Variants in ATOH7 observed in about 807,000 individuals in gnomAD.
ATOH7 encodes transcription factor ATOH7.
Under a neutral mutation model 11.0 loss-of-function variants are expected in ATOH7, and 11 were observed. The observed-to-expected ratio is 1.00, with a 90% CI of 0.63 to 1.66. The LOEUF (loss-of-function observed/expected upper bound fraction) is 1.66. Among genes scored for constraint, ATOH7 ranks in the 40% most tolerant of loss-of-function variants. ATOH7 has a pLI of 0.00. For missense variants in ATOH7, 232 were observed against 219.2 expected, an observed-to-expected ratio of 1.06 and a Z score of -0.37; for synonymous variants, 98 against 98.3, an observed-to-expected ratio of 1.00 and a Z score of 0.02.
chr10:68,230,918 T>C lies in ATOH7; in HGVS notation c.*301A>G, dbSNP rs911163893. On this transcript the variant is annotated 3_prime_UTR_variant, in exon 1 of 1. Coordinates refer to ENST00000373673, the MANE Select transcript of ATOH7 (RefSeq NM_145178.4). ...AGCTTAATCCTATTTTTCTTAAGATTGTTTTCCCTCAAAGTAGCCCAGAAA... is the reference window on the plus strand; with the variant it reads ...AGCTTAATCCTATTTTTCTTAAGATCGTTTTCCCTCAAAGTAGCCCAGAAA... 2.9e-6 allele frequency: 1 copy of C among 344,554 alleles called. No individual in the cohort carries two copies. The allele number at this position is 344,554 out of a possible 1,614,324, so 21.3% of individuals were successfully genotyped here. A position where few individuals can be genotyped will look rare whatever the true frequency, so the allele number is the denominator to read the frequency against.
chr10:68,230,791 G>A lies in ATOH7; in HGVS notation c.*428C>T, dbSNP rs1447327685. The A allele has an allele frequency of 6.2e-6, 1 of 162,134 alleles. No homozygotes were observed. The highest frequency in any genetic ancestry group is 2.4e-5 in the African/African-American group (1 of 41,890). 10.0% of individuals were successfully genotyped at this position (162,134 alleles called of 1,614,324 possible). Reference sequence around the variant, plus strand: ...ATTTACACAACAGGAAGGTAGCTCTGTTGTGAGCAAACACAAGTAATGGAT... The same window carrying A: ...ATTTACACAACAGGAAGGTAGCTCTATTGTGAGCAAACACAAGTAATGGAT... On this transcript the variant is annotated 3_prime_UTR_variant, in exon 1 of 1. Transcript: ENST00000373673.
Position 68,230,914 on chromosome 10 carries a change from AGATT to A in ATOH7, c.*301_*304del, listed in dbSNP as rs1195453904. The A allele has an allele frequency of 6.0e-6, 2 of 335,372 alleles. No homozygotes were observed. Among genetic ancestry groups the A allele is most frequent in the African/African-American group, 4.2e-5 (2 of 47,118 alleles). 20.8% of individuals were successfully genotyped at this position (335,372 alleles called of 1,614,324 possible). Reference sequence around the variant, plus strand: ...GAATAGCTTAATCCTATTTTTCTTAAGATTGTTTTCCCTCAAAGTAGCCCAGAAA... The same window carrying A: ...GAATAGCTTAATCCTATTTTTCTTAAGTTTTCCCTCAAAGTAGCCCAGAAA... On this transcript the variant is annotated 3_prime_UTR_variant, in exon 1 of 1. Transcript: ENST00000373673.
rs2044024992 is a variant in ATOH7 at position 68,231,295 on chromosome 10, T to C, written c.383A>G (p.Lys128Arg). The C allele has an allele frequency of 6.2e-7, 1 of 1,611,170 alleles. No individual in the cohort carries two copies. The highest frequency in any genetic ancestry group is 8.5e-7 in the Non-Finnish European group (1 of 1,179,164). The part of the protein sequence containing the change: ...RDHYLPFPGA[K>R]LPGESELYSQ... ...GTACAGCTCGCTCTCGCCCGGCAGC[T>C]TCGCGCCCGGGAACGGGAGGTAGTG... The change falls in exon 1 of 1, where the codon AAG becomes AGG. Residue 128 changes from lysine to arginine, a missense_variant. By Grantham distance (26) the Lys-to-Arg change is conservative. Coordinates refer to ENST00000373673, the MANE Select transcript of ATOH7 (RefSeq NM_145178.4).
At position 68,231,029 on chromosome 10, in the gene ATOH7, A is replaced by G; in HGVS notation, c.*190T>C. ...TCTACAAAATACAAAGGAGGAGGGG[A>G]AAAGAAAGGCAATTAAATGATTGCG... is the stretch of plus-strand genomic sequence containing the variant. On this transcript the variant is annotated 3_prime_UTR_variant, in exon 1 of 1. Coordinates refer to ENST00000373673, the MANE Select transcript of ATOH7 (RefSeq NM_145178.4). 2.0e-6 allele frequency: 1 copy of G among 510,186 alleles called. No homozygotes were observed. The highest frequency in any genetic ancestry group is 3.2e-6 in the Non-Finnish European group (1 of 308,392). The allele number at this position is 510,186 out of a possible 1,614,324, so 31.6% of individuals were successfully genotyped here. A position where few individuals can be genotyped will look rare whatever the true frequency, so the allele number is the denominator to read the frequency against.
chr10:68,231,537 C>G lies in ATOH7; in HGVS notation c.141G>C (p.Ala47=), dbSNP rs953857718. The change falls in exon 1 of 1, where the codon GCG becomes GCC. Residue 47 remains alanine, a synonymous_variant. Coordinates refer to ENST00000373673, the MANE Select transcript of ATOH7 (RefSeq NM_145178.4). ...GCCCCTGCATGCGGCGGCGCTCGCG[C>G]GCGTTGGCCGCCAGGCGCCTGCGCG... ...SAARRRLAAN[A]RERRRMQGLN... is the part of the protein sequence containing the mutation. The G allele has an allele frequency of 7.5e-7, 1 of 1,331,714 alleles. No individual in the cohort carries two copies. The highest frequency in any genetic ancestry group is 1.5e-5 in the African/African-American group (1 of 66,486). 82.5% of individuals were successfully genotyped at this position (1,331,714 alleles called of 1,614,324 possible).
Position 68,231,420 on chromosome 10 carries a change from C to T in ATOH7, c.258G>A (p.Leu86=). The T allele has an allele frequency of 6.2e-7, 1 of 1,613,792 alleles. No homozygotes were observed. The highest frequency in any genetic ancestry group is 8.5e-7 in the Non-Finnish European group (1 of 1,179,876). The change falls in exon 1 of 1, where the codon CTG becomes CTA. Residue 86 remains leucine (L), a synonymous_variant. Coordinates refer to ENST00000373673, the MANE Select transcript of ATOH7 (RefSeq NM_145178.4). ...LSKYETLQMA[L]SYIMALTRIL... ...TCCGGGTCAGAGCCATGATGTAGCT[C>T]AGGGCCATCTGCAGGGTCTCGTACT...
chr10:68,231,175 C>G lies in ATOH7; in HGVS notation c.*44G>C, dbSNP rs769635297. ...TGGGCTACTTGGGGCAGGGCCGAGG[C>G]TCGGAGCGGCTGCCGGACACCCACC... On this transcript the variant is annotated 3_prime_UTR_variant, in exon 1 of 1. Coordinates refer to ENST00000373673, the MANE Select transcript of ATOH7 (RefSeq NM_145178.4). The G allele has an allele frequency of 2.8e-6, 4 of 1,448,096 alleles. No individual in the cohort carries two copies. The South Asian group carries it at 5.7e-5, about 20-fold the overall frequency. The allele number at this position is 1,448,096 out of a possible 1,614,324, so 89.7% of individuals were successfully genotyped here.
In ATOH7 at chr10:68,231,589, G is replaced by T; in HGVS notation, c.89C>A (p.Ala30Asp). The change falls in exon 1 of 1, where the codon GCC (alanine) becomes GAC (aspartate). Residue 30 changes from alanine to aspartate, a missense_variant. By Grantham distance (126) the Ala-to-Asp change is moderately radical. Coordinates refer to ENST00000373673, the MANE Select transcript of ATOH7 (RefSeq NM_145178.4). The stretch of plus-strand genomic sequence containing the variant: ...CGCGCTCTCCAGCCGCCCGGCCCCG[G>T]CGCACGTGCCCGCGCACTCGGTGCC... Reference protein sequence around the residue: ...AGGTECAGTCAGAGRLESAAR... With the variant: ...AGGTECAGTCDGAGRLESAAR... The T allele has an allele frequency of 8.4e-7, 1 of 1,189,994 alleles. No individual in the cohort carries two copies. The highest frequency in any genetic ancestry group is 1.0e-6 in the Non-Finnish European group (1 of 957,404). 73.7% of individuals were successfully genotyped at this position (1,189,994 alleles called of 1,614,324 possible).
chr10:68,231,115 T>G lies in ATOH7; in HGVS notation c.*104A>C. 8.6e-7 allele frequency: 1 copy of G among 1,158,760 alleles called. No homozygotes were observed. Among genetic ancestry groups the G allele is most frequent in the South Asian group, 1.8e-5 (1 of 57,058 alleles). 71.8% of individuals were successfully genotyped at this position (1,158,760 alleles called of 1,614,324 possible). On this transcript the variant is annotated 3_prime_UTR_variant, in exon 1 of 1. Transcript: ENST00000373673. Reference sequence around the variant, plus strand: ...AGAATCGACTAATTTTCCTCGAGGATTGCATCCTTAGAATCCTGGGCCGCC... The same window carrying G: ...AGAATCGACTAATTTTCCTCGAGGAGTGCATCCTTAGAATCCTGGGCCGCC...
chr10:68,230,992 C>T lies in ATOH7; in HGVS notation c.*227G>A. The T allele has an allele frequency of 2.2e-6, 1 of 447,870 alleles. No homozygotes were observed. The highest frequency in any genetic ancestry group is 4.3e-5 in the Admixed American group (1 of 23,264). The allele number at this position is 447,870 out of a possible 1,614,324, so 27.7% of individuals were successfully genotyped here. On this transcript the variant is annotated 3_prime_UTR_variant, in exon 1 of 1. Coordinates refer to ENST00000373673, the MANE Select transcript of ATOH7 (RefSeq NM_145178.4). ...ACAGCAATCAACCCATTCACAAGAT[C>T]CATTAATGAAATCTACAAAATACAA...
Position 68,231,508 on chromosome 10 carries a change from T to G in ATOH7, c.170A>C (p.Asn57Thr). The G allele has an allele frequency of 1.4e-6, 2 of 1,436,270 alleles. No individual in the cohort carries two copies. The highest frequency in any genetic ancestry group is 1.9e-6 in the Non-Finnish European group (2 of 1,080,740). 89.0% of individuals were successfully genotyped at this position (1,436,270 alleles called of 1,614,324 possible). A position where few individuals can be genotyped will look rare whatever the true frequency, so the allele number is the denominator to read the frequency against. ...CCTGCGTAAGCGGTCGAAGGCAGTG[T>G]TGAGCCCCTGCATGCGGCGGCGCTC... ...ARERRRMQGL[N>T]TAFDRLRRVV... is the part of the protein sequence containing the mutation. Residue 57 changes from asparagine (N) to threonine (T), a missense_variant, in exon 1 of 1, where the codon AAC becomes ACC. Asn to Thr is a moderately conservative substitution (Grantham distance 65). Transcript: ENST00000373673.
rs763049857 is a variant in ATOH7 at position 68,231,792 on chromosome 10, A to G, written c.-115T>C. On this transcript the variant is annotated 5_prime_UTR_variant, in exon 1 of 1. Coordinates refer to ENST00000373673, the MANE Select transcript of ATOH7 (RefSeq NM_145178.4). The stretch of plus-strand genomic sequence containing the variant: ...TGCCTCTTCTGAGCAAATAAGTCAT[A>G]AACAAAGCAACTCACGTGCAATCAA... 1 of 652,944 alleles carries G rather than the reference A, an allele frequency of 1.5e-6. No homozygotes were observed. Among genetic ancestry groups the G allele is most frequent in the Non-Finnish European group, 2.0e-6 (1 of 500,112 alleles). 40.4% of individuals were successfully genotyped at this position (652,944 alleles called of 1,614,324 possible). A position where few individuals can be genotyped will look rare whatever the true frequency, so the allele number is the denominator to read the frequency against.
At position 68,231,832 on chromosome 10, in the gene ATOH7, G is replaced by C; in HGVS notation, c.-155C>G. 1 of 384,738 alleles carries C rather than the reference G, an allele frequency of 2.6e-6. No individual in the cohort carries two copies. Among genetic ancestry groups the C allele is most frequent in the Non-Finnish European group, 4.0e-6 (1 of 249,290 alleles). 23.8% of individuals were successfully genotyped at this position (384,738 alleles called of 1,614,324 possible). The stretch of plus-strand genomic sequence containing the variant: ...CGTGCAATCAAATAGTTTACAGTGG[G>C]GGAGTGCGGGACTCGGCCTTCTGTT... On this transcript the variant is annotated 5_prime_UTR_variant, in exon 1 of 1. Transcript: ENST00000373673.
chr10:68,231,516 C>T lies in ATOH7; in HGVS notation c.162G>A (p.Gln54=). 1 of 1,383,934 alleles carries T rather than the reference C, an allele frequency of 7.2e-7. No homozygotes were observed. The highest frequency in any genetic ancestry group is 9.5e-7 in the Non-Finnish European group (1 of 1,055,536). The allele number at this position is 1,383,934 out of a possible 1,614,324, so 85.7% of individuals were successfully genotyped here. The change falls in exon 1 of 1, where the codon CAG becomes CAA. Residue 54 remains glutamine, a synonymous_variant. Transcript: ENST00000373673. ...AGCGGTCGAAGGCAGTGTTGAGCCCCTGCATGCGGCGGCGCTCGCGCGCGT... is the reference window on the plus strand; with the variant it reads ...AGCGGTCGAAGGCAGTGTTGAGCCCTTGCATGCGGCGGCGCTCGCGCGCGT... ...AANARERRRM[Q]GLNTAFDRLR...
In ATOH7 at chr10:68,231,312, G is replaced by A. The variant is rs757008955; in HGVS notation, c.366C>T (p.Leu122=). 6.2e-7 allele frequency: 1 copy of A among 1,612,650 alleles called. No individual in the cohort carries two copies. Among genetic ancestry groups the A allele is most frequent in the Admixed American group, 1.7e-5 (1 of 59,914 alleles). Residue 122 remains leucine, a synonymous_variant, in exon 1 of 1, where the codon CTC becomes CTT. Coordinates refer to ENST00000373673, the MANE Select transcript of ATOH7 (RefSeq NM_145178.4). ...HCEHFGRDHY[L]PFPGAKLPGE... ...CCGGCAGCTTCGCGCCCGGGAACGGGAGGTAGTGGTCGCGGCCGAAGTGCT... is the reference window on the plus strand; with the variant it reads ...CCGGCAGCTTCGCGCCCGGGAACGGAAGGTAGTGGTCGCGGCCGAAGTGCT...
At position 68,231,305 on chromosome 10, in the gene ATOH7, G is replaced by A. The variant is rs1282270070; in HGVS notation, c.373C>T (p.Pro125Ser). 1.2e-6 allele frequency: 2 copies of A among 1,612,182 alleles called. No individual in the cohort carries two copies. Among genetic ancestry groups the A allele is most frequent in the Non-Finnish European group, 8.5e-7 (1 of 1,179,434 alleles). The change falls in exon 1 of 1, where the codon CCG (proline) becomes TCG (serine). Residue 125 changes from proline (P) to serine (S), a missense_variant. Coordinates refer to ENST00000373673, the MANE Select transcript of ATOH7 (RefSeq NM_145178.4). ...CTCTCGCCCGGCAGCTTCGCGCCCG[G>A]GAACGGGAGGTAGTGGTCGCGGCCG... ...HFGRDHYLPF[P>S]GAKLPGESEL...
chr10:68,231,389 C>G lies in ATOH7; in HGVS notation c.289G>C (p.Ala97Pro), dbSNP rs2134380333. 2 of 1,613,948 alleles carry G rather than the reference C, an allele frequency of 1.2e-6. No homozygotes were observed. The highest frequency in any genetic ancestry group is 1.7e-6 in the Non-Finnish European group (2 of 1,179,946). Residue 97 changes from alanine (A) to proline (P), a missense_variant, in exon 1 of 1, where the codon GCC becomes CCC. Physicochemically the swap from Ala to Pro is conservative, Grantham distance 27. Transcript: ENST00000373673. ...SYIMALTRILAEAERFGSERD... is the reference protein window; with the variant it reads ...SYIMALTRILPEAERFGSERD... ...TCCGAGCCGAATCGCTCGGCCTCGGCCAGGATCCGGGTCAGAGCCATGATG... is the reference window on the plus strand; with the variant it reads ...TCCGAGCCGAATCGCTCGGCCTCGGGCAGGATCCGGGTCAGAGCCATGATG...
chr10:68,231,810 G>T lies in ATOH7; in HGVS notation c.-133C>A. On this transcript the variant is annotated 5_prime_UTR_variant, in exon 1 of 1. Coordinates refer to ENST00000373673, the MANE Select transcript of ATOH7 (RefSeq NM_145178.4). ...AAGTCATAAACAAAGCAACTCACGTGCAATCAAATAGTTTACAGTGGGGGA... is the reference window on the plus strand; with the variant it reads ...AAGTCATAAACAAAGCAACTCACGTTCAATCAAATAGTTTACAGTGGGGGA... The T allele has an allele frequency of 1.9e-6, 1 of 521,150 alleles. No individual in the cohort carries two copies. Among genetic ancestry groups the T allele is most frequent in the Non-Finnish European group, 2.7e-6 (1 of 376,402 alleles). The allele number at this position is 521,150 out of a possible 1,614,324, so 32.3% of individuals were successfully genotyped here. A position where few individuals can be genotyped will look rare whatever the true frequency, so the allele number is the denominator to read the frequency against.
In ATOH7 at chr10:68,231,402, C is replaced by A; in HGVS notation, c.276G>T (p.Leu92=). Reference sequence around the variant, plus strand: ...GCTCGGCCTCGGCCAGGATCCGGGTCAGAGCCATGATGTAGCTCAGGGCCA... The same window carrying A: ...GCTCGGCCTCGGCCAGGATCCGGGTAAGAGCCATGATGTAGCTCAGGGCCA... ...LQMALSYIMA[L]TRILAEAERF... Residue 92 remains leucine (L), a synonymous_variant, in exon 1 of 1, where the codon CTG becomes CTT. Transcript: ENST00000373673. 1 of 1,613,992 alleles carries A rather than the reference C, an allele frequency of 6.2e-7. No individual in the cohort carries two copies. Among genetic ancestry groups the A allele is most frequent in the South Asian group, 1.1e-5 (1 of 91,068 alleles).
Sources: allele counts gnomAD v4.1 joint callset, GRCh38; gene constraint gnomAD v4.1.1; transcripts MANE v1.5; gene names NCBI Gene and HGNC (gene_info 2026-07-23, HGNC 2026-07-21).